The following SMAD1 variants were observed in gnomAD, a reference collection of about 807,000 sequenced individuals.
SMAD1 encodes SMAD family member 1, also known as MAD, mothers against decapentaplegic homolog 1.
In SMAD1, 6 loss-of-function variants were observed where a neutral mutation model predicts 41.6. That is an observed-to-expected ratio of 0.14 (90% CI 0.08 to 0.28). SMAD1 has a LOEUF of 0.28. Among genes scored for constraint, SMAD1 ranks in the 10% least tolerant of loss-of-function variants. SMAD1 has a pLI of 1.00. For synonymous variants in SMAD1, 206 were observed against 203.2 expected (o/e 1.01, Z -0.12); for missense variants, 379 against 582.6 (o/e 0.65, Z 3.60).
chr4:145,518,605 AG>A (rs1159219957), intron 2 of SMAD1, among the ~76,000 whole-genome samples: 1 of 126,514 alleles, frequency 7.9e-6, no homozygotes, highest in East Asian at 2.0e-4. Context: ...AATCAGAAAA[AG>A]GGGGTCTGGA....
At chr4:145,555,962 A>G (rs546259540) in intron 6 of SMAD1, among the ~76,000 whole-genome samples, 3 of 152,334 alleles carry the variant, frequency 2.0e-5, no homozygotes, top group African/African-American at 7.2e-5. Flanking sequence ...AATGTTAAAG[A>G]AAAGTTGTTT....
chr4:145,538,053 C>T (rs1259994029), intron 2 of SMAD1, among the ~76,000 whole-genome samples: 1 of 152,098 alleles, frequency 6.6e-6, no homozygotes, highest in East Asian at 1.9e-4. Flanking sequence ...GGTTTAGGGG[C>T]CAATGTTTCC....
intron 2 of SMAD1, among the ~76,000 whole-genome samples, chr4:145,528,292 T>C (rs1485368970): frequency 3.3e-5 from 5 of 151,752 alleles, no homozygotes; most frequent in Non-Finnish European, 7.4e-5. Context: ...TTTAATAGAG[T>C]CAGGGATTCA....
intron 4 of SMAD1, chr4:145,546,166 T>TAAG: frequency 6.4e-6 from 1 of 156,160 alleles, no homozygotes; most frequent in Non-Finnish European, 1.4e-5. Flanking sequence ...GGCAACTTAA[T>TAAG]ATGAGGTAAA....
chr4:145,551,694 A>G (rs1012113175), intron 5 of SMAD1, among the ~76,000 whole-genome samples: 1 of 152,232 alleles, frequency 6.6e-6, no homozygotes, highest in Non-Finnish European at 1.5e-5. Context: ...AGGCAAATTA[A>G]ACAATTATTT....
At chr4:145,550,896 T>A (rs1376590687) in intron 5 of SMAD1, among the ~76,000 whole-genome samples, 2 of 152,192 alleles carry the variant, frequency 1.3e-5, no homozygotes, top group Non-Finnish European at 2.9e-5. Flanking sequence ...AAATAGGCAG[T>A]CTGTGTTCCT....
intron 3 of SMAD1, among the ~76,000 whole-genome samples, chr4:145,540,284 ATAT>A (rs1409027290): frequency 2.0e-5 from 3 of 152,244 alleles, no homozygotes; most frequent in Admixed American, 2.0e-4. Flanking sequence ...TGAATAAGCT[ATAT>A]TTTCCCCTTG....
intron 2 of SMAD1, among the ~76,000 whole-genome samples, chr4:145,532,698 T>C (rs1010441640): frequency 1.3e-5 from 2 of 152,200 alleles, no homozygotes; most frequent in African/African-American, 4.8e-5. Flanking sequence ...GTCACCTTAG[T>C]GCACTAAGAA....
intron 2 of SMAD1, among the ~76,000 whole-genome samples, chr4:145,518,894 A>T (rs1297872343): frequency 8.0e-6 from 1 of 125,748 alleles, no homozygotes; most frequent in East Asian, 2.0e-4. Flanking sequence ...TTATTTTTAA[A>T]TTGACAAATA....
chr4:145,540,777 C>CT (rs940283481), intron 3 of SMAD1, among the ~76,000 whole-genome samples: 84 of 147,702 alleles, frequency 5.7e-4, no homozygotes, highest in African/African-American at 2.0e-3. Flanking sequence ...TGCCAGTAGA[C>CT]TTTAAGAAAG....
chr4:145,537,287 G>C (rs1731663054), intron 2 of SMAD1, among the ~76,000 whole-genome samples: 1 of 152,116 alleles, frequency 6.6e-6, no homozygotes, highest in Admixed American at 6.6e-5. Context: ...GAGTTACTCT[G>C]AAATGCTATA....
chr4:145,496,911 T>C (rs932806947), intron 1 of SMAD1, among the ~76,000 whole-genome samples: 2 of 152,238 alleles, frequency 1.3e-5, no homozygotes, highest in African/African-American at 4.8e-5. Context: ...AAAAGTCTGT[T>C]TTTTTGCCTA....
chr4:145,547,940 T>A (rs141417810), intron 5 of SMAD1, among the ~76,000 whole-genome samples: 383 of 152,322 alleles, frequency 2.5e-3, no homozygotes, highest in African/African-American at 9.0e-3. Flanking sequence ...CCAGTAGCAA[T>A]AAGCACATCT....
intron 5 of SMAD1, among the ~76,000 whole-genome samples, chr4:145,547,801 T>C (rs998252284): frequency 2.6e-5 from 4 of 152,178 alleles, no homozygotes; most frequent in Non-Finnish European, 5.9e-5. Context: ...GTAATACATA[T>C]GTGTATGTAT....
chr4:145,549,433 G>A lies in SMAD1; in HGVS notation c.997+2509G>A, dbSNP rs17020315. Among the ~76,000 whole-genome samples, 1,458 of 152,256 alleles carry A rather than the reference G, an allele frequency of 9.6e-3. 28 individuals carry two copies. The highest frequency in any genetic ancestry group is 0.033 in the African/African-American group (1,370 of 41,528). ...CTCACCATCTGTCTATCCAAAACCTGTGTTACAATACATACATACAGACAG... is the reference window on the plus strand; with the variant it reads ...CTCACCATCTGTCTATCCAAAACCTATGTTACAATACATACATACAGACAG... On this transcript the variant is annotated intron_variant, in intron 5 of 6. Transcript: ENST00000302085.
chr4:145,545,144 T>G (rs1324039235), intron 4 of SMAD1: 1 of 152,162 alleles, frequency 6.6e-6, no homozygotes, highest in Non-Finnish European at 1.5e-5. Context: ...GCCTGCTATC[T>G]GTTTTTGTAA....
intron 1 of SMAD1, among the ~76,000 whole-genome samples, chr4:145,506,325 A>AG (rs1174637923): frequency 6.6e-6 from 1 of 152,218 alleles, no homozygotes; most frequent in African/African-American, 2.4e-5. Flanking sequence ...AACAAGAAGT[A>AG]GGGGGAGAAA....
chr4:145,528,482 T>G (rs1731155374), intron 2 of SMAD1, among the ~76,000 whole-genome samples: 2 of 152,158 alleles, frequency 1.3e-5, no homozygotes, highest in African/African-American at 4.8e-5. Context: ...CCTCAAGTGA[T>G]TCACCCACCT....
chr4:145,505,162 T>C (rs13137598), intron 1 of SMAD1, among the ~76,000 whole-genome samples: 51,604 of 152,082 alleles, frequency 0.34, 10,672 homozygotes, highest in Non-Finnish European at 0.48. Flanking sequence ...AAAAAAGTAG[T>C]TTGTTTTATA....
Sources: gnomAD v4.1 joint callset for allele counts (sites outside exome capture counted in the v4.1 genomes callset) on GRCh38, gnomAD v4.1.1 for gene constraint, MANE v1.5 for transcripts, NCBI Gene and HGNC (gene_info 2026-07-23, HGNC 2026-07-21) for gene names.